Variants in ENTREP3 observed in about 807,000 individuals in gnomAD.
ENTREP3 encodes the protein protein ENTREP3.
the ENTREP3 span, chr1:155,250,318 G>A: frequency 6.5e-7 from 1 of 1,548,054 alleles, no homozygotes; most frequent in South Asian, 1.2e-5. This position sits in a 1 kb window ranked among gnomAD's most constrained non-coding sequence, Gnocchi z 5.4. Flanking sequence ...CTGTGGGACC[G>A]TGGCAGCAGC....
At chr1:155,250,608 CG>C in the ENTREP3 span, 2 of 1,608,474 alleles carry the variant, frequency 1.2e-6, no homozygotes, top group Non-Finnish European at 1.7e-6. The surrounding 1 kb of genome is among the most constrained non-coding windows in gnomAD (Gnocchi z 5.4). Context: ...TGGGGGGCGC[CG>C]TGGCAGGGGG....
the ENTREP3 span, chr1:155,251,244 A>T: frequency 2.6e-6 from 3 of 1,137,796 alleles, no homozygotes; most frequent in Non-Finnish European, 3.7e-6. Flanking sequence ...GGAGACTTAG[A>T]TTCCAGACCA....
the ENTREP3 span, chr1:155,247,868 G>T: frequency 6.5e-7 from 1 of 1,528,390 alleles, no homozygotes; most frequent in Non-Finnish European, 8.8e-7. Flanking sequence ...GACAGGAGAC[G>T]CCGCAGGGAA....
At chr1:155,250,759 G>A in the ENTREP3 span, 5 of 1,612,448 alleles carry the variant, frequency 3.1e-6, no homozygotes, top group Non-Finnish European at 3.4e-6. This position sits in a 1 kb window ranked among gnomAD's most constrained non-coding sequence, Gnocchi z 5.4. Flanking sequence ...TCCTCCGACG[G>A]GCTAGAGCCC....
the ENTREP3 span, chr1:155,248,364 T>C: frequency 1.9e-6 from 3 of 1,613,908 alleles, no homozygotes; most frequent in South Asian, 3.3e-5. Flanking sequence ...TGGGCAGCCA[T>C]GCCCAATCCC....
the ENTREP3 span, chr1:155,250,867 T>C: frequency 2.6e-6 from 4 of 1,530,994 alleles, no homozygotes; most frequent in African/African-American, 5.5e-5. The surrounding 1 kb of genome is among the most constrained non-coding windows in gnomAD (Gnocchi z 5.4). Flanking sequence ...TGGCCTGGCC[T>C]AGCCCTGCCC....
chr1:155,251,106 G>T, the ENTREP3 span: 42 of 1,612,726 alleles, frequency 2.6e-5, no homozygotes, highest in Non-Finnish European at 3.5e-5. Context: ...GTCTACAATG[G>T]AGGCCACTCG....
chr1:155,248,589 C>G, the ENTREP3 span: 1 of 800,748 alleles, frequency 1.2e-6, no homozygotes, highest in African/African-American at 1.7e-5. Flanking sequence ...CGCTCCATCC[C>G]CAATCAAAGG....
the ENTREP3 span, chr1:155,253,820 AGT>A: frequency 1.9e-6 from 3 of 1,609,970 alleles, no homozygotes; most frequent in Admixed American, 1.7e-5. Context: ...GGGAGGCAAG[AGT>A]GAGAACCAGG....
the ENTREP3 span, chr1:155,250,550 TG>T: frequency 6.4e-7 from 1 of 1,574,442 alleles, no homozygotes. This position sits in a 1 kb window ranked among gnomAD's most constrained non-coding sequence, Gnocchi z 5.4. Flanking sequence ...GGGCACCCAG[TG>T]GGGGTGGAGC....
chr1:155,251,429 G>A, the ENTREP3 span: 1 of 1,090,956 alleles, frequency 9.2e-7, no homozygotes, highest in Non-Finnish European at 1.4e-6. Context: ...TTTATCCAGA[G>A]GCTACAGCCT....
the ENTREP3 span, chr1:155,250,407 G>A: frequency 6.6e-7 from 1 of 1,505,716 alleles, no homozygotes; most frequent in East Asian, 2.5e-5. This position sits in a 1 kb window ranked among gnomAD's most constrained non-coding sequence, Gnocchi z 5.4. Context: ...GAAGCGACGA[G>A]TCGGGGCTCG....
At chr1:155,247,913 G>A in the ENTREP3 span, 5 of 1,593,302 alleles carry the variant, frequency 3.1e-6, no homozygotes, top group African/African-American at 5.4e-5. Flanking sequence ...CTGCGAAGGT[G>A]GAGGCTCTCT....
At chr1:155,252,716 A>T in the ENTREP3 span, 40 of 45,204 alleles carry the variant, frequency 8.8e-4, no homozygotes, top group African/African-American at 2.2e-3. Context: ...ATATATATAT[A>T]TATATATTTT....
the ENTREP3 span, chr1:155,253,613 C>T: frequency 6.2e-7 from 1 of 1,601,524 alleles, no homozygotes; most frequent in Non-Finnish European, 8.6e-7. Context: ...CTGGCCCCTG[C>T]TCCCTTCTCA....
At chr1:155,252,690 G>GTGTATA in the ENTREP3 span, 111 of 32,850 alleles carry the variant, frequency 3.4e-3, 3 homozygotes, top group African/African-American at 4.9e-3. Context: ...AATTTTGTGT[G>GTGTATA]TATATATATA....
chr1:155,249,951 G>A, the ENTREP3 span, among the ~76,000 whole-genome samples: 10 of 151,464 alleles, frequency 6.6e-5, no homozygotes, highest in East Asian at 1.2e-3. Flanking sequence ...CCAGCTACTC[G>A]GCAGGCTGAA....
chr1:155,250,617 G>C, the ENTREP3 span: 13 of 1,609,738 alleles, frequency 8.1e-6, no homozygotes, highest in African/African-American at 1.3e-5. The surrounding 1 kb of genome is among the most constrained non-coding windows in gnomAD (Gnocchi z 5.4). Context: ...CCGTGGCAGG[G>C]GGCTTTCCTC....
At chr1:155,247,841 G>A in the ENTREP3 span, 41 of 1,491,738 alleles carry the variant, frequency 2.7e-5, no homozygotes, top group African/African-American at 1.4e-4. Flanking sequence ...CGGGTACCAC[G>A]CTCCAGCCTG....
Sources: allele counts gnomAD v4.1 joint callset (sites outside exome capture counted in the v4.1 genomes callset), GRCh38; gene constraint gnomAD v4.1.1; non-coding constraint Gnocchi (gnomAD v3.1); transcripts MANE v1.5; gene names NCBI Gene and HGNC (gene_info 2026-07-23, HGNC 2026-07-21).